S100Z: variants seen among roughly 807,000 people sequenced by gnomAD.
S100Z encodes protein S100-Z.
A neutral mutation model predicts 8.5 loss-of-function variants in S100Z; 11 were observed. The observed-to-expected ratio is 1.30, with a 90% confidence interval of 0.82 to 2.15. The LOEUF (loss-of-function observed/expected upper bound fraction) is 2.15. S100Z is among the 30% of genes most tolerant of loss of function. S100Z has a pLI of 0.00. For missense variants in S100Z, 126 were observed against 117.9 expected (o/e 1.07, Z -0.32); for synonymous variants, 34 against 43.8 (o/e 0.78, Z 0.89).
intron 4 of S100Z, among the ~76,000 whole-genome samples, chr5:76,889,297 C>T (rs140380746): frequency 0.014 from 2,188 of 152,202 alleles, 59 homozygotes; most frequent in African/African-American, 0.049. Context: ...TCTAATTCAA[C>T]GTAAGACAAG....
rs1303881688 is a variant in S100Z, at chr5:76,920,810, C to A, written c.*96C>A. ...AGGACGGGGTCTGCCTGGAATAGCA[C>A]TGAATGTGTTTAGTAGTGCCTTTGG... On this transcript the variant is annotated 3_prime_UTR_variant, in exon 5 of 5. Transcript: ENST00000317593. 1.3e-5 allele frequency: 2 copies of A among 152,202 alleles called. No homozygotes were observed. The highest frequency in any genetic ancestry group is 1.5e-5 in the Non-Finnish European group (1 of 68,056). 9.4% of individuals were successfully genotyped at this position (152,202 alleles called of 1,614,324 possible).
chr5:76,919,804 A>C (rs571289094), intron 4 of S100Z, among the ~76,000 whole-genome samples: 1 of 151,626 alleles, frequency 6.6e-6, no homozygotes, highest in African/African-American at 2.4e-5. Flanking sequence ...AGATCTCATC[A>C]TCCTTCCCAG....
chr5:76,922,288 C>A (rs1447539696), downstream of S100Z, among the ~76,000 whole-genome samples: 3 of 152,136 alleles, frequency 2.0e-5, no homozygotes, highest in African/African-American at 7.2e-5. Flanking sequence ...CAGCAAATAA[C>A]CAGGAAAGAT....
intron 4 of S100Z, among the ~76,000 whole-genome samples, chr5:76,898,319 T>G (rs1038321343): frequency 6.6e-6 from 1 of 152,040 alleles, no homozygotes; most frequent in Admixed American, 6.6e-5. Context: ...CTAGCTAGTT[T>G]TGTATTTTTA....
At position 76,921,481 on chromosome 5, in the gene S100Z, T is replaced by C. The variant is rs148874465; in HGVS notation, c.*767T>C. 1 of 152,336 alleles carries C rather than the reference T, an allele frequency of 6.6e-6. No homozygotes were observed. Among genetic ancestry groups the C allele is most frequent in the Non-Finnish European group, 1.5e-5 (1 of 68,022 alleles). The allele number at this position is 152,336 out of a possible 1,614,324, so 9.4% of individuals were successfully genotyped here. ...ACTAGGCACGATTTTCTATTCTTCTTTCCTTCCTTTCTTTGTGAGAGTTAA... is the reference window on the plus strand; with the variant it reads ...ACTAGGCACGATTTTCTATTCTTCTCTCCTTCCTTTCTTTGTGAGAGTTAA... On this transcript the variant is annotated 3_prime_UTR_variant, in exon 5 of 5. Transcript: ENST00000317593.
intron 2 of S100Z, among the ~76,000 whole-genome samples, chr5:76,871,188 C>A (rs2150634829): frequency 6.6e-6 from 1 of 152,170 alleles, no homozygotes; most frequent in South Asian, 2.1e-4. Context: ...AATATTTTAC[C>A]CCAAAATAGA....
the S100Z span, among the ~76,000 whole-genome samples, chr5:76,942,444 G>C: frequency 3.0e-5 from 2 of 65,852 alleles, no homozygotes; most frequent in Non-Finnish European, 3.4e-5. Flanking sequence ...AAAAAAAAAA[G>C]CAAAAACCTC....
At chr5:76,949,764 C>T in the S100Z span, among the ~76,000 whole-genome samples, 8 of 152,104 alleles carry the variant, frequency 5.3e-5, no homozygotes, top group African/African-American at 1.9e-4. Flanking sequence ...TAGTGAGACT[C>T]GTAGAAGAAG....
At chr5:76,889,434 GA>G (rs1743779665) in intron 4 of S100Z, among the ~76,000 whole-genome samples, 1 of 152,212 alleles carries the variant, frequency 6.6e-6, no homozygotes, top group Non-Finnish European at 1.5e-5. Flanking sequence ...TCATGCAAGA[GA>G]AGATCTCGAC....
At chr5:76,855,953 C>T (rs1329912849) in intron 1 of S100Z, among the ~76,000 whole-genome samples, 1 of 152,086 alleles carries the variant, frequency 6.6e-6, no homozygotes, top group Non-Finnish European at 1.5e-5. Flanking sequence ...TTAACATCAT[C>T]CCCAAGGTGC....
At chr5:76,860,734 G>T (rs1751031437) in intron 1 of S100Z, among the ~76,000 whole-genome samples, 1 of 152,102 alleles carries the variant, frequency 6.6e-6, no homozygotes. Flanking sequence ...TATTCAAGGA[G>T]GTCATTTGCA....
chr5:76,858,309 G>C (rs1179263018), intron 1 of S100Z, among the ~76,000 whole-genome samples: 3 of 152,168 alleles, frequency 2.0e-5, no homozygotes. Context: ...GATCACCTGA[G>C]GTCAGGAGTT....
chr5:76,924,230 T>C (rs1011711502), downstream of S100Z, among the ~76,000 whole-genome samples: 15 of 152,188 alleles, frequency 9.9e-5, no homozygotes, highest in African/African-American at 3.4e-4. Flanking sequence ...ACTATATAAA[T>C]TGCCACATTT....
At chr5:76,858,191 C>A (rs1185079911) in intron 1 of S100Z, among the ~76,000 whole-genome samples, 3 of 152,208 alleles carry the variant, frequency 2.0e-5, no homozygotes, top group African/African-American at 7.2e-5. Context: ...TCTTGCCAGT[C>A]CAGTCATGGC....
intron 4 of S100Z, among the ~76,000 whole-genome samples, chr5:76,919,436 G>C (rs1173831682): frequency 6.6e-6 from 1 of 152,092 alleles, no homozygotes; most frequent in Non-Finnish European, 1.5e-5. Flanking sequence ...ATTTCCTAAT[G>C]ACATATTTTG....
At chr5:76,852,430 G>T (rs1750757623) in intron 1 of S100Z, among the ~76,000 whole-genome samples, 1 of 152,088 alleles carries the variant, frequency 6.6e-6, no homozygotes. Context: ...AATAGTTTGG[G>T]CTGGGTGTAA....
intron 4 of S100Z, among the ~76,000 whole-genome samples, chr5:76,890,456 A>G (rs1424745980): frequency 6.6e-6 from 1 of 152,208 alleles, no homozygotes; most frequent in African/African-American, 2.4e-5. Context: ...ATTAAAAAAG[A>G]GAATATGATT....
At chr5:76,899,830 A>G (rs116408499) in intron 4 of S100Z, among the ~76,000 whole-genome samples, 1 of 152,282 alleles carries the variant, frequency 6.6e-6, no homozygotes, top group African/African-American at 2.4e-5. Flanking sequence ...ACTTACTATT[A>G]TCAGTGAGTT....
At chr5:76,912,882 C>CAGAG (rs36029083) in intron 4 of S100Z, among the ~76,000 whole-genome samples, 1 of 148,460 alleles carries the variant, frequency 6.7e-6, no homozygotes, top group Non-Finnish European at 1.5e-5. Context: ...AAGAAGGAGT[C>CAGAG]AGAGAGAGAG....
Sources: allele counts gnomAD v4.1 joint callset (sites outside exome capture counted in the v4.1 genomes callset), GRCh38; gene constraint gnomAD v4.1.1; transcripts MANE v1.5; gene names NCBI Gene and HGNC (gene_info 2026-07-23, HGNC 2026-07-21).